GRID2: variants seen among roughly 807,000 people sequenced by gnomAD.
GRID2 encodes glutamate ionotropic receptor delta type subunit 2.
Under a neutral mutation model 114.8 loss-of-function variants are expected in GRID2, and 33 were observed. That is an observed-to-expected ratio of 0.29 (90% confidence interval 0.22 to 0.38). The LOEUF (loss-of-function observed/expected upper bound fraction) is 0.38. GRID2 is among the 10% of genes least tolerant of loss of function. GRID2 has a pLI of 1.00. For missense variants in GRID2, 1,184 were observed against 1,257.7 expected, an observed-to-expected ratio of 0.94 and a Z score of 0.89; for synonymous variants, 505 against 449.9, an observed-to-expected ratio of 1.12 and a Z score of -1.55.
intron 1 of GRID2, among the ~76,000 whole-genome samples, chr4:92,444,610 G>A (rs1210143002): frequency 1.3e-5 from 2 of 152,162 alleles, no homozygotes; most frequent in Non-Finnish European, 2.9e-5. Context: ...ATAGGTGCAA[G>A]TCACAGGGGT....
chr4:93,179,968 A>G (rs1739727996), intron 4 of GRID2, among the ~76,000 whole-genome samples: 2 of 152,146 alleles, frequency 1.3e-5, no homozygotes, highest in Non-Finnish European at 2.9e-5. Context: ...TTTGCATTCT[A>G]ACTCTCGGAA....
At chr4:92,834,706 G>A (rs906803968) in intron 2 of GRID2, among the ~76,000 whole-genome samples, 10 of 152,108 alleles carry the variant, frequency 6.6e-5, no homozygotes, top group Non-Finnish European at 1.5e-4. Context: ...ATAACTACTT[G>A]GTTATAGGTA....
intron 7 of GRID2, among the ~76,000 whole-genome samples, chr4:93,229,115 A>T (rs1429800085): frequency 6.6e-6 from 1 of 152,150 alleles, no homozygotes; most frequent in African/African-American, 2.4e-5. Flanking sequence ...GTTCAATTTT[A>T]TATTTTTGTC....
chr4:92,816,487 G>T (rs1030766051), intron 2 of GRID2, among the ~76,000 whole-genome samples: 1 of 152,018 alleles, frequency 6.6e-6, no homozygotes, highest in Non-Finnish European at 1.5e-5. Context: ...TATACTGATT[G>T]TCTGTTATAT....
chr4:93,247,146 G>A (rs1748306495), intron 8 of GRID2, among the ~76,000 whole-genome samples: 1 of 152,092 alleles, frequency 6.6e-6, no homozygotes, highest in Non-Finnish European at 1.5e-5. Flanking sequence ...GACTGATGGG[G>A]TACAATTCTG....
At chr4:93,474,649 G>A (rs1394015394) in intron 11 of GRID2, among the ~76,000 whole-genome samples, 2 of 152,080 alleles carry the variant, frequency 1.3e-5, no homozygotes, top group Non-Finnish European at 2.9e-5. Context: ...TGGAAGAAAT[G>A]GCGCATGTAC....
chr4:93,765,608 T>TTTTATATATATATATA (rs1553999281), intron 14 of GRID2, among the ~76,000 whole-genome samples: 1 of 29,502 alleles, frequency 3.4e-5, no homozygotes, highest in African/African-American at 1.2e-4. Flanking sequence ...AGGTGAGGTA[T>TTTTATATATATATATA]TATATATATA....
At chr4:93,531,574 GAGAC>G (rs554517963) in intron 13 of GRID2, among the ~76,000 whole-genome samples, 3 of 152,096 alleles carry the variant, frequency 2.0e-5, no homozygotes, top group East Asian at 3.9e-4. Flanking sequence ...GGCATGAAGG[GAGAC>G]AGACAGTCTT....
chr4:93,582,411 T>C (rs1737071618), intron 13 of GRID2, among the ~76,000 whole-genome samples: 1 of 152,186 alleles, frequency 6.6e-6, no homozygotes, highest in Admixed American at 6.5e-5. Flanking sequence ...TCTTTTGTCA[T>C]CTATGGTATC....
At chr4:92,713,105 C>T (rs1304512325) in intron 2 of GRID2, among the ~76,000 whole-genome samples, 1 of 151,562 alleles carries the variant, frequency 6.6e-6, no homozygotes, top group Non-Finnish European at 1.5e-5. Flanking sequence ...ACTAACTCAT[C>T]ATTTAACATT....
intron 1 of GRID2, among the ~76,000 whole-genome samples, chr4:92,352,718 A>G (rs1728127939): frequency 6.6e-6 from 1 of 151,998 alleles, no homozygotes; most frequent in Admixed American, 6.6e-5. Flanking sequence ...TTATTAGGAT[A>G]AATGCCTATC....
At chr4:93,239,237 T>C (rs1180328617) in intron 8 of GRID2, among the ~76,000 whole-genome samples, 1 of 148,340 alleles carries the variant, frequency 6.7e-6, no homozygotes, top group East Asian at 2.0e-4. Context: ...CATATAGATA[T>C]ATTTGGTAGG....
At chr4:93,537,784 AC>A (rs1732243919) in intron 13 of GRID2, among the ~76,000 whole-genome samples, 1 of 151,510 alleles carries the variant, frequency 6.6e-6, no homozygotes, top group African/African-American at 2.4e-5. Flanking sequence ...ATGCAGAACA[AC>A]CCCATAAAAT....
intron 1 of GRID2, 74 bp downstream of exon 1, chr4:92,304,818 C>T (rs888108489): frequency 9.6e-7 from 1 of 1,043,992 alleles, no homozygotes; most frequent in African/African-American, 1.6e-5. Flanking sequence ...TCGCTTTCCC[C>T]CTCTCCGGTC....
At chr4:92,610,420 TA>T (rs1553907014) in intron 2 of GRID2, among the ~76,000 whole-genome samples, 1 of 151,672 alleles carries the variant, frequency 6.6e-6, no homozygotes, top group Non-Finnish European at 1.5e-5. Flanking sequence ...ATAACGATCA[TA>T]CCTGTCTCTA....
intron 13 of GRID2, among the ~76,000 whole-genome samples, chr4:93,567,425 A>T (rs1735534784): frequency 6.6e-6 from 1 of 152,206 alleles, no homozygotes; most frequent in African/African-American, 2.4e-5. Flanking sequence ...CTGCCAAAGG[A>T]TTGAGAAAGG....
intron 1 of GRID2, among the ~76,000 whole-genome samples, chr4:92,558,521 C>T (rs925966048): frequency 5.9e-5 from 9 of 152,070 alleles, no homozygotes; most frequent in African/African-American, 1.2e-4. Context: ...TTCACTCTAC[C>T]GTCCATTCTT....
At chr4:93,768,631 A>G (rs1346991870) in intron 14 of GRID2, among the ~76,000 whole-genome samples, 1 of 152,156 alleles carries the variant, frequency 6.6e-6, no homozygotes, top group Non-Finnish European at 1.5e-5. Flanking sequence ...ACCAAAAAAG[A>G]TGTATTTTAT....
At chr4:92,754,370 T>C (rs911743339) in intron 2 of GRID2, among the ~76,000 whole-genome samples, 1 of 152,036 alleles carries the variant, frequency 6.6e-6, no homozygotes, top group African/African-American at 2.4e-5. Context: ...AACAGCATGA[T>C]GGTAGTAGGA....
Sources: gnomAD v4.1 joint callset for allele counts (sites outside exome capture counted in the v4.1 genomes callset) on GRCh38, gnomAD v4.1.1 for gene constraint, MANE v1.5 for transcripts, NCBI Gene and HGNC (gene_info 2026-07-23, HGNC 2026-07-21) for gene names.